The following IQCK variants were observed in gnomAD, a reference collection of about 807,000 sequenced individuals.
IQCK encodes IQ motif containing K.
IQCK carries 29 observed loss-of-function variants against 28.1 expected under a neutral mutation model. The ratio of observed to expected loss-of-function variants is 1.03; its 90% confidence interval spans 0.77 to 1.41. IQCK has a LOEUF of 1.41. IQCK is among the 40% of genes most tolerant of loss of function. The pLI is 0.00. For synonymous variants in IQCK, 113 were observed against 115.1 expected (o/e 0.98, Z 0.12); for missense variants, 359 against 314.7 (o/e 1.14, Z -1.07).
chr16:19,779,199 T>C (rs1018238987), intron 6 of IQCK, among the ~76,000 whole-genome samples: 2 of 152,180 alleles, frequency 1.3e-5, no homozygotes, highest in African/African-American at 4.8e-5. Flanking sequence ...GGGTATTCAC[T>C]GAAATCAACC....
In IQCK at chr16:19,724,563, C is replaced by G. The variant is rs143131413; in HGVS notation, c.182-5867C>G. Reference sequence around the variant, plus strand: ...TTTGTTTTTGAGTCAGAGTCTGGCTCTGTCACCCAGGCTGCAGTGCAGTGG... The same window carrying G: ...TTTGTTTTTGAGTCAGAGTCTGGCTGTGTCACCCAGGCTGCAGTGCAGTGG... On this transcript the variant is annotated intron_variant, in intron 1 of 7. Transcript: ENST00000564186. Among the ~76,000 whole-genome samples, 27 of 152,148 alleles carry G rather than the reference C, an allele frequency of 1.8e-4. 2 individuals carry two copies. In the East Asian group the frequency reaches 5.2e-3, roughly 29 times the overall value.
chr16:19,735,625 T>G, intron 4 of IQCK, 175 bp downstream of exon 4: 2 of 591,272 alleles, frequency 3.4e-6, no homozygotes, highest in Non-Finnish European at 3.0e-6. Context: ...GTTGTGCACA[T>G]ACATGCGCTG....
At chr16:19,857,406 A>G (rs933980600) in exon 10 of IQCK, 1 of 433,400 alleles carries the variant, frequency 2.3e-6, no homozygotes, top group Non-Finnish European at 4.5e-6. Flanking sequence ...ATAGTCGTTT[A>G]TGGTACATAT....
At position 19,728,352 on chromosome 16, in the gene IQCK, G is replaced by T. The variant is rs897147487; in HGVS notation, c.182-2078G>T. ...CAACCTCCACCTCCCTGGTTCAAAT[G>T]ATTCTTGTGCCTCAGCCTCTCAAGT... On this transcript the variant is annotated intron_variant, in intron 1 of 7. Coordinates refer to ENST00000564186, the Ensembl canonical transcript of IQCK. Among the ~76,000 whole-genome samples the T allele has an allele frequency of 5.3e-5, 8 of 152,112 alleles. No individual in the cohort carries two copies. In the South Asian group the frequency reaches 1.5e-3, roughly 28 times the overall value.
chr16:19,757,579 G>A (rs1286883355), intron 4 of IQCK, among the ~76,000 whole-genome samples: 1 of 152,180 alleles, frequency 6.6e-6, no homozygotes, highest in African/African-American at 2.4e-5. Flanking sequence ...TACTTAGGAG[G>A]CTGAGGCTTG....
intron 9 of IQCK, among the ~76,000 whole-genome samples, chr16:19,842,714 G>C (rs1019894930): frequency 6.6e-6 from 1 of 152,188 alleles, no homozygotes. Context: ...TTATAGCAAC[G>C]TCTTAAACGC....
At chr16:19,809,261 T>C (rs919551400) in intron 7 of IQCK, among the ~76,000 whole-genome samples, 5 of 152,222 alleles carry the variant, frequency 3.3e-5, no homozygotes, top group Non-Finnish European at 7.3e-5. Context: ...CAAACCACTC[T>C]AATATTTAGT....
At chr16:19,725,061 A>C (rs1349285265) in intron 1 of IQCK, among the ~76,000 whole-genome samples, 2 of 152,162 alleles carry the variant, frequency 1.3e-5, no homozygotes, top group Non-Finnish European at 2.9e-5. Context: ...TAAAACGAAC[A>C]ACAACTTTCA....
In IQCK at chr16:19,774,576, A is replaced by T. The variant is rs138226100; in HGVS notation, c.605+10464A>T. Among the ~76,000 whole-genome samples, 750 of 152,110 alleles carry T rather than the reference A, an allele frequency of 4.9e-3. 8 individuals carry two copies. Among genetic ancestry groups the T allele is most frequent in the Middle Eastern group, 0.02 (6 of 294 alleles). On this transcript the variant is annotated intron_variant, in intron 6 of 7. Coordinates refer to ENST00000564186, the Ensembl canonical transcript of IQCK. ...TTGTAGATTTCACCACATTGCCCAG[A>T]CTGTCTGGAACTCCTGAGCTCAAGT...
At chr16:19,729,796 C>T (rs1977772564) in intron 1 of IQCK, among the ~76,000 whole-genome samples, 1 of 151,448 alleles carries the variant, frequency 6.6e-6, no homozygotes, top group African/African-American at 2.4e-5. Flanking sequence ...AGGCACCCAC[C>T]ACCATGCCCA....
intron 9 of IQCK, among the ~76,000 whole-genome samples, chr16:19,853,172 G>A (rs1218876079): frequency 1.3e-5 from 2 of 152,124 alleles, no homozygotes; most frequent in Non-Finnish European, 2.9e-5. Context: ...ATTTGGTAAC[G>A]CCAAGCAGTT....
rs2056321680 is a variant in IQCK, at chr16:19,838,262, G to A, written c.802+11125G>A. Among the ~76,000 whole-genome samples the A allele has an allele frequency of 2.6e-5, 4 of 152,326 alleles. No homozygotes were observed. The South Asian group carries it at 8.3e-4, about 32-fold the overall frequency. ...GGGCTTTTGTTGGGGAAAGCGAGGT[G>A]GGATCACTGGGGGAGGCAGAGAGTA... is the stretch of plus-strand genomic sequence containing the variant. On this transcript the variant is annotated intron_variant, in intron 9 of 9. Transcript: ENST00000320394.
chr16:19,754,638 T>C (rs971452811), intron 4 of IQCK, among the ~76,000 whole-genome samples: 1 of 74,806 alleles, frequency 1.3e-5, no homozygotes, highest in Non-Finnish European at 2.2e-5. Flanking sequence ...TTTCTCTTTC[T>C]TTTTTTTTTC....
chr16:19,838,703 C>G (rs770820498), intron 9 of IQCK, among the ~76,000 whole-genome samples: 17 of 152,118 alleles, frequency 1.1e-4, no homozygotes, highest in African/African-American at 3.9e-4. Context: ...CTAATCTTCA[C>G]AGCAAACAGA....
intron 4 of IQCK, chr16:19,761,274 A>C (rs2055137497): frequency 2.4e-6 from 1 of 415,574 alleles, no homozygotes; most frequent in African/African-American, 2.1e-5. Context: ...CACCATATGA[A>C]TTTTGGGGTG....
At chr16:19,777,450 C>A (rs1007660441) in intron 6 of IQCK, among the ~76,000 whole-genome samples, 6 of 151,952 alleles carry the variant, frequency 3.9e-5, no homozygotes, top group Non-Finnish European at 7.4e-5. Context: ...GTCATGCCCT[C>A]TTGATAGAAA....
chr16:19,855,752 C>G (rs938623652), intron 9 of IQCK, among the ~76,000 whole-genome samples: 15 of 152,200 alleles, frequency 9.9e-5, no homozygotes, highest in African/African-American at 2.9e-4. Context: ...GAACAATGCT[C>G]TCCACAAATC....
At chr16:19,773,122 A>G (rs1347049461) in intron 6 of IQCK, among the ~76,000 whole-genome samples, 1 of 152,214 alleles carries the variant, frequency 6.6e-6, no homozygotes, top group African/African-American at 2.4e-5. Context: ...GCAGTGAACC[A>G]GGAGGGCTGG....
intron 9 of IQCK, among the ~76,000 whole-genome samples, chr16:19,851,583 T>C (rs2056482646): frequency 6.6e-6 from 1 of 152,128 alleles, no homozygotes; most frequent in Non-Finnish European, 1.5e-5. Context: ...GAGGAGAAGA[T>C]GTACTGAGTC....
Sources: allele counts gnomAD v4.1 joint callset (sites outside exome capture counted in the v4.1 genomes callset), GRCh38; gene constraint gnomAD v4.1.1; transcripts MANE v1.5; gene names NCBI Gene and HGNC (gene_info 2026-07-23, HGNC 2026-07-21).